SSUH2: variants seen among roughly 807,000 people sequenced by gnomAD.
The protein encoded by SSUH2 is ssu-2 homolog.
Under a neutral mutation model 55.3 loss-of-function variants are expected in SSUH2, and 47 were observed. The ratio of observed to expected loss-of-function variants is 0.85; its 90% confidence interval spans 0.67 to 1.08. SSUH2 has a LOEUF of 1.08. Ranked by LOEUF, SSUH2 falls within the 50% of genes least tolerant of loss-of-function variation. SSUH2 has a pLI of 0.00. For missense variants in SSUH2, 535 were observed against 490.7 expected, an observed-to-expected ratio of 1.09 and a Z score of -0.85; for synonymous variants, 212 against 191.5, an observed-to-expected ratio of 1.11 and a Z score of -0.89.
At chr3:8,627,097 C>T (rs934587978) in intron 8 of SSUH2, 1 of 152,232 alleles carries the variant, frequency 6.6e-6, no homozygotes. Flanking sequence ...TTTAATGAGG[C>T]AAAAGTATCA....
chr3:8,654,324 A>T (rs777998812), intron 7 of SSUH2, among the ~76,000 whole-genome samples: 25 of 152,236 alleles, frequency 1.6e-4, no homozygotes, highest in Non-Finnish European at 2.9e-4. Context: ...TAGGGCTTCA[A>T]CAGATGAATT....
At chr3:8,677,890 A>C (rs1252810743) in intron 2 of SSUH2, among the ~76,000 whole-genome samples, 5 of 150,880 alleles carry the variant, frequency 3.3e-5, no homozygotes, top group African/African-American at 7.3e-5. Flanking sequence ...TATTGTGAGT[A>C]ATATCATCTC....
chr3:8,647,014 A>G (rs1218375716), upstream of SSUH2, among the ~76,000 whole-genome samples: 1 of 152,216 alleles, frequency 6.6e-6, no homozygotes, highest in Admixed American at 6.5e-5. Context: ...GCTGTCTAAG[A>G]ACCTTGTTTT....
chr3:8,652,829 C>T (rs542774391), intron 7 of SSUH2, among the ~76,000 whole-genome samples: 15 of 152,172 alleles, frequency 9.9e-5, no homozygotes, highest in Non-Finnish European at 1.9e-4. Context: ...TTTCCCTGAC[C>T]AGAAACAACT....
rs142213853 is a variant in SSUH2 at position 8,651,748 on chromosome 3, G to A, written c.-307+7177C>T. On this transcript the variant is annotated intron_variant, in intron 7 of 18. Coordinates refer to the SSUH2 transcript ENST00000317371. The stretch of plus-strand genomic sequence containing the variant: ...CCTGATGTTAGGCCTCCCATCTAAT[G>A]TCAACTGGAGAGACAGCCCTCAGCA... 9.7e-4 allele frequency among the ~76,000 whole-genome samples: 148 copies of A among 152,206 alleles called. 3 individuals are homozygous for A. Among genetic ancestry groups the A allele is most frequent in the African/African-American group, 3.3e-3 (138 of 41,512 alleles).
At chr3:8,652,487 C>A (rs1381056423) in intron 7 of SSUH2, among the ~76,000 whole-genome samples, 2 of 152,150 alleles carry the variant, frequency 1.3e-5, no homozygotes, top group East Asian at 3.8e-4. Flanking sequence ...TGCTCAGAGT[C>A]CCCCTCCCAA....
chr3:8,681,494 A>AG (rs1705944672), intron 1 of SSUH2, among the ~76,000 whole-genome samples: 1 of 110,680 alleles, frequency 9.0e-6, no homozygotes, highest in Non-Finnish European at 1.9e-5. Context: ...GGCAGCCCCC[A>AG]CGAGGCGGGG....
chr3:8,674,298 G>A (rs201000361), intron 3 of SSUH2, among the ~76,000 whole-genome samples: 1 of 152,144 alleles, frequency 6.6e-6, no homozygotes, highest in African/African-American at 2.4e-5. Context: ...GAAAGAAATA[G>A]GACAGTGGAA....
chr3:8,679,092 A>AG (rs1705726022), intron 2 of SSUH2, among the ~76,000 whole-genome samples: 2 of 74,202 alleles, frequency 2.7e-5, no homozygotes, highest in African/African-American at 9.4e-5. Flanking sequence ...GAGAGCAAGC[A>AG]CCTCTTTCCC....
chr3:8,634,380 G>C (rs1166420955), intron 3 of SSUH2: 1 of 1,291,362 alleles, frequency 7.7e-7, no homozygotes, highest in South Asian at 1.2e-5. Context: ...CTTCCCTGAG[G>C]CCATGCCACC....
At position 8,644,096 on chromosome 3, in the gene SSUH2, C is replaced by T. The variant is rs555402771; in HGVS notation, c.28+635G>A. ...ACATTTCTTCCTGAAATACCATTTC[C>T]TTCATGTTTTTAAATAGCTCTGAGA... On this transcript the variant is annotated intron_variant, in intron 1 of 11. Coordinates refer to ENST00000544814, the MANE Select transcript of SSUH2 (RefSeq NM_001256748.3). Among the ~76,000 whole-genome samples the T allele has an allele frequency of 7.4e-4, 112 of 152,220 alleles. 5 individuals are homozygous for T. In the South Asian group the frequency reaches 0.023, roughly 31 times the overall value.
chr3:8,657,871 C>T (rs1703087477), intron 7 of SSUH2, among the ~76,000 whole-genome samples: 1 of 152,254 alleles, frequency 6.6e-6, no homozygotes, highest in South Asian at 2.1e-4. Context: ...TGCATATCTG[C>T]TGGTATCAGC....
chr3:8,669,301 C>T (rs1704292321), intron 5 of SSUH2, among the ~76,000 whole-genome samples: 1 of 151,966 alleles, frequency 6.6e-6, no homozygotes, highest in Non-Finnish European at 1.5e-5. Context: ...TTTTTTATAA[C>T]CCAAAGAATA....
chr3:8,635,786 T>G lies in SSUH2; in HGVS notation c.100A>C (p.Ser34Arg). 2.0e-6 allele frequency: 3 copies of G among 1,536,004 alleles called. No individual in the cohort carries two copies. The highest frequency in any genetic ancestry group is 2.6e-6 in the Non-Finnish European group (3 of 1,146,834). Residue 34 changes from serine (S) to arginine (R), a missense_variant, in exon 2 of 12, where the codon AGC (serine) becomes CGC (arginine). Coordinates refer to ENST00000544814, the MANE Select transcript of SSUH2 (RefSeq NM_001256748.3). Reference protein sequence around the residue: ...PPTELLERLPSYDWLLQGGRG... With the variant: ...PPTELLERLPRYDWLLQGGRG... ...CCCCCTTGAAGAAGCCAGTCATAGCTGGGCAGTCTCTCCAGGAGCTCTGTG... is the reference window on the plus strand; with the variant it reads ...CCCCCTTGAAGAAGCCAGTCATAGCGGGGCAGTCTCTCCAGGAGCTCTGTG...
rs542720759 is a variant in SSUH2, at chr3:8,634,717, C to CG, written c.209+582dup. The CG allele has an allele frequency of 1.6e-5, 8 of 513,674 alleles. No individual in the cohort carries two copies. The Admixed American group carries it at 1.6e-4, about 10-fold the overall frequency. The allele number at this position is 513,674 out of a possible 1,614,324, so 31.8% of individuals were successfully genotyped here. A position where few individuals can be genotyped will look rare whatever the true frequency, so the allele number is the denominator to read the frequency against. On this transcript the variant is annotated intron_variant, in intron 3 of 11. Coordinates refer to ENST00000544814, the MANE Select transcript of SSUH2 (RefSeq NM_001256748.3). ...TGGCAGCAGCAGGGCCAGAAGCCCCCGGGAGAAGCCTCTCATGCTGCCCAG... is the reference window on the plus strand; with the variant it reads ...TGGCAGCAGCAGGGCCAGAAGCCCCCGGGGAGAAGCCTCTCATGCTGCCCAG...
Position 8,625,658 on chromosome 3 carries a change from G to A in SSUH2, c.768-11C>T, listed in dbSNP as rs778120958. 18 of 1,577,402 alleles carry A rather than the reference G, an allele frequency of 1.1e-5. 1 individual carries two copies. In the South Asian group the frequency reaches 1.6e-4, roughly 14 times the overall value. Reference sequence around the variant, plus strand: ...AACAAGCTGTTCTTCCTGGAGGGAAGGAGGATGAGGGATGAAAGCACACAG... The same window carrying A: ...AACAAGCTGTTCTTCCTGGAGGGAAAGAGGATGAGGGATGAAAGCACACAG... On this transcript the variant is annotated splice_polypyrimidine_tract_variant and intron_variant, in intron 9 of 11. Coordinates refer to ENST00000544814, the MANE Select transcript of SSUH2 (RefSeq NM_001256748.3).
intron 1 of SSUH2, among the ~76,000 whole-genome samples, chr3:8,644,302 C>T (rs771412570): frequency 1.3e-5 from 2 of 152,070 alleles, no homozygotes; most frequent in African/African-American, 2.4e-5. Flanking sequence ...AATAAGAATC[C>T]TGAAAATCTC....
chr3:8,639,087 C>A (rs1316377390), intron 1 of SSUH2, among the ~76,000 whole-genome samples: 1 of 152,164 alleles, frequency 6.6e-6, no homozygotes, highest in Non-Finnish European at 1.5e-5. Flanking sequence ...ATAAAGGACT[C>A]CAGACTCAAC....
At chr3:8,646,758 C>A (rs9990255), upstream of SSUH2, among the ~76,000 whole-genome samples, 3,092 of 152,228 alleles carry the variant, frequency 0.02, 120 homozygotes, top group African/African-American at 0.071. Flanking sequence ...GCTCTGGGAC[C>A]CACGACAGTG....
Sources: allele counts gnomAD v4.1 joint callset (sites outside exome capture counted in the v4.1 genomes callset), GRCh38; gene constraint gnomAD v4.1.1; transcripts MANE v1.5; gene names NCBI Gene and HGNC (gene_info 2026-07-23, HGNC 2026-07-21).